Variants in PCDH15 observed in about 807,000 individuals in gnomAD.
The protein encoded by PCDH15 is protocadherin related 15, also known as protocadherin-15.
Under a neutral mutation model 178.5 loss-of-function variants are expected in PCDH15, and 129 were observed. The ratio of observed to expected loss-of-function variants is 0.72; its 90% confidence interval spans 0.63 to 0.84. The LOEUF (loss-of-function observed/expected upper bound fraction) is 0.84, where lower values mean the gene tolerates loss of function less well. PCDH15 is among the 40% of genes least tolerant of loss of function. PCDH15 has a pLI of 0.00. For synonymous variants in PCDH15, 800 were observed against 732.0 expected (o/e 1.09, Z -1.50); for missense variants, 2,230 against 2,099.9 (o/e 1.06, Z -1.21).
At chr10:53,827,297 T>G (rs905984433) in intron 32 of PCDH15, 96 bp downstream of exon 32, 1 of 1,434,388 alleles carries the variant, frequency 7.0e-7, no homozygotes, top group African/African-American at 1.4e-5. Context: ...AAATAGTCCA[T>G]GTAGGCATTT....
At chr10:55,165,526 C>T (rs544084198) in intron 2 of PCDH15, among the ~76,000 whole-genome samples, 4 of 151,932 alleles carry the variant, frequency 2.6e-5, no homozygotes, top group African/African-American at 9.6e-5. Flanking sequence ...GCATTTTATA[C>T]ATTAAAAAGT....
At chr10:54,123,664 C>A (rs935726445) in intron 15 of PCDH15, among the ~76,000 whole-genome samples, 1 of 151,816 alleles carries the variant, frequency 6.6e-6, no homozygotes, top group Non-Finnish European at 1.5e-5. Context: ...AGCAATGCCA[C>A]CCAAAAGAAA....
intron 3 of PCDH15, among the ~76,000 whole-genome samples, chr10:54,452,165 A>T (rs2076519662): frequency 6.6e-6 from 1 of 151,914 alleles, no homozygotes; most frequent in Non-Finnish European, 1.5e-5. Flanking sequence ...AATAACCAAA[A>T]CATAGTTGGG....
intron 2 of PCDH15, among the ~76,000 whole-genome samples, chr10:55,519,285 T>TAAAAAAAAAA (rs34476517): frequency 4.1e-4 from 55 of 134,152 alleles, no homozygotes; most frequent in African/African-American, 1.4e-3. Context: ...ATGCTGAGTG[T>TAAAAAAAAAA]AAAAAAAAAA....
intron 2 of PCDH15, among the ~76,000 whole-genome samples, chr10:55,488,642 A>G (rs1840349924): frequency 6.6e-6 from 1 of 151,584 alleles, no homozygotes; most frequent in Non-Finnish European, 1.5e-5. Flanking sequence ...GAATTATCAG[A>G]GCCAATTAGG....
chr10:54,310,412 A>T (rs1366544529), intron 8 of PCDH15, among the ~76,000 whole-genome samples: 1 of 152,130 alleles, frequency 6.6e-6, no homozygotes, highest in Non-Finnish European at 1.5e-5. Flanking sequence ...GGTGTCAAAC[A>T]GATTTGAGTA....
chr10:53,955,553 T>C (rs75269865), intron 23 of PCDH15, among the ~76,000 whole-genome samples: 2,299 of 152,304 alleles, frequency 0.015, 66 homozygotes, highest in African/African-American at 0.052. Flanking sequence ...AACACAAGTA[T>C]TGGAACGAAG....
chr10:54,526,115 T>G (rs1445982811), intron 3 of PCDH15, among the ~76,000 whole-genome samples: 1 of 152,234 alleles, frequency 6.6e-6, no homozygotes, highest in Non-Finnish European at 1.5e-5. Context: ...CACCTGCTAC[T>G]GTACAGCAGT....
chr10:55,009,088 C>T (rs1017226069), intron 2 of PCDH15, among the ~76,000 whole-genome samples: 1 of 152,150 alleles, frequency 6.6e-6, no homozygotes, highest in Admixed American at 6.6e-5. Flanking sequence ...CCACTCAGAA[C>T]TACACATAAA....
intron 2 of PCDH15, among the ~76,000 whole-genome samples, chr10:55,044,580 A>C (rs567581930): frequency 6.6e-6 from 1 of 152,244 alleles, no homozygotes; most frequent in East Asian, 1.9e-4. Flanking sequence ...CTAGACTCAA[A>C]GCCAATGTAA....
chr10:54,556,578 CTTT>C (rs768469030), intron 2 of PCDH15, among the ~76,000 whole-genome samples: 1 of 141,466 alleles, frequency 7.1e-6, no homozygotes, highest in South Asian at 2.2e-4. Context: ...TTACAAAACA[CTTT>C]TTTTTTTTCT....
chr10:54,500,204 C>T (rs1003618078), intron 3 of PCDH15, among the ~76,000 whole-genome samples: 3 of 152,122 alleles, frequency 2.0e-5, no homozygotes, highest in Non-Finnish European at 2.9e-5. Context: ...AACAGAAAAT[C>T]AAATACCACA....
intron 25 of PCDH15, among the ~76,000 whole-genome samples, chr10:53,926,376 T>C (rs1271758653): frequency 1.3e-5 from 2 of 152,196 alleles, no homozygotes; most frequent in Non-Finnish European, 2.9e-5. Context: ...AATATTCAGA[T>C]TTCCATTTTC....
chr10:54,691,965 A>G (rs2095129950), intron 1 of PCDH15, among the ~76,000 whole-genome samples: 1 of 152,204 alleles, frequency 6.6e-6, no homozygotes, highest in Non-Finnish European at 1.5e-5. Flanking sequence ...CACAAGGAAG[A>G]AAAGGATATA....
chr10:54,472,620 A>G (rs567346747), intron 3 of PCDH15, among the ~76,000 whole-genome samples: 17 of 152,330 alleles, frequency 1.1e-4, no homozygotes, highest in African/African-American at 3.8e-4. Flanking sequence ...TGCAAGGAAC[A>G]TATAAGAGAC....
intron 8 of PCDH15, among the ~76,000 whole-genome samples, chr10:54,268,497 C>G (rs1040939570): frequency 1.1e-4 from 17 of 151,884 alleles, no homozygotes; most frequent in African/African-American, 3.6e-4. Context: ...ATAGCAAAGG[C>G]ATGGAATCAA....
At chr10:54,700,290 G>A (rs963957316) in intron 1 of PCDH15, among the ~76,000 whole-genome samples, 1 of 152,076 alleles carries the variant, frequency 6.6e-6, no homozygotes, top group Non-Finnish European at 1.5e-5. Flanking sequence ...TGAGAACTCT[G>A]GACGCTAAAA....
chr10:54,143,013 T>C (rs2043552200), intron 14 of PCDH15, among the ~76,000 whole-genome samples: 2 of 152,172 alleles, frequency 1.3e-5, no homozygotes, highest in African/African-American at 4.8e-5. Flanking sequence ...TCGACAGAAT[T>C]TCCAACAGCA....
intron 1 of PCDH15, among the ~76,000 whole-genome samples, chr10:54,720,564 T>C (rs963922092): frequency 6.6e-6 from 1 of 151,548 alleles, no homozygotes; most frequent in Admixed American, 6.6e-5. Context: ...CAAATGAAGA[T>C]TCACAAATGA....
Sources: allele counts gnomAD v4.1 joint callset (sites outside exome capture counted in the v4.1 genomes callset), GRCh38; gene constraint gnomAD v4.1.1; transcripts MANE v1.5; gene names NCBI Gene and HGNC (gene_info 2026-07-23, HGNC 2026-07-21).